The following CCDC148 variants were observed in gnomAD, a reference collection of about 807,000 sequenced individuals.
CCDC148 encodes the protein coiled-coil domain containing 148.
CCDC148 carries 89 observed loss-of-function variants against 85.7 expected under a neutral mutation model. The observed-to-expected ratio is 1.04, with a 90% CI of 0.87 to 1.24. The LOEUF is 1.24. Ranked by LOEUF, CCDC148 falls within the 50% of genes most tolerant of loss-of-function variation. The pLI is 0.00. For synonymous variants in CCDC148, 230 were observed against 213.9 expected (o/e 1.08, Z -0.66); for missense variants, 692 against 671.7 (o/e 1.03, Z -0.33).
At chr2:158,303,794 T>TTAGGA (rs1265852794) in intron 9 of CCDC148, among the ~76,000 whole-genome samples, 8 of 152,186 alleles carry the variant, frequency 5.3e-5, no homozygotes, top group African/African-American at 1.9e-4. Context: ...AGGCTACATT[T>TTAGGA]TATGTTGTCT....
At chr2:158,218,207 AAACATATC>A (rs1243476648) in intron 11 of CCDC148, among the ~76,000 whole-genome samples, 1 of 152,224 alleles carries the variant, frequency 6.6e-6, no homozygotes, top group Non-Finnish European at 1.5e-5. Context: ...CGAGTTGAAC[AAACATATC>A]ATAGGCCCTT....
At chr2:158,359,764 C>T (rs1683847791) in intron 1 of CCDC148, among the ~76,000 whole-genome samples, 1 of 152,178 alleles carries the variant, frequency 6.6e-6, no homozygotes, top group Admixed American at 6.5e-5. Context: ...CAGCAGACAC[C>T]AAGCTAGCTG....
At chr2:158,350,601 T>C (rs1275533054) in intron 2 of CCDC148, among the ~76,000 whole-genome samples, 1 of 152,188 alleles carries the variant, frequency 6.6e-6, no homozygotes, top group African/African-American at 2.4e-5. Context: ...ACATGAAAAG[T>C]ATCTATGCTT....
chr2:158,339,797 G>T (rs532803401), intron 5 of CCDC148, among the ~76,000 whole-genome samples: 27 of 152,316 alleles, frequency 1.8e-4, no homozygotes, highest in Admixed American at 1.1e-3. Context: ...AAGAAGGCCA[G>T]CCTGGGTGTG....
In CCDC148 at chr2:158,358,547, T is replaced by G; in HGVS notation, c.49A>C (p.Asn17His). The G allele has an allele frequency of 6.3e-7, 1 of 1,587,656 alleles. No individual in the cohort carries two copies. ...SPDNLVFHMK[N>H]EMRNIKYKPV... ...TTGTACTTGATGTTTCTCATCTCATTTTTCATATGGAATACCAGATTATCT... is the reference window on the plus strand; with the variant it reads ...TTGTACTTGATGTTTCTCATCTCATGTTTCATATGGAATACCAGATTATCT... Residue 17 changes from asparagine to histidine, a missense_variant, in exon 2 of 14, where the codon AAT (asparagine) becomes CAT (histidine). Asn to His is a moderately conservative substitution (Grantham distance 68). Coordinates refer to ENST00000283233, the MANE Select transcript of CCDC148 (RefSeq NM_138803.4).
intron 8 of CCDC148, 28 bp downstream of exon 8, chr2:158,313,728 C>T: frequency 6.3e-7 from 1 of 1,574,834 alleles, no homozygotes; most frequent in Non-Finnish European, 8.6e-7. Context: ...ATTTAACTTG[C>T]CAGTATGTAG....
intron 11 of CCDC148, among the ~76,000 whole-genome samples, chr2:158,190,874 C>A (rs2105272681): frequency 6.6e-6 from 1 of 151,944 alleles, no homozygotes; most frequent in South Asian, 2.1e-4. Context: ...TCATAAGACA[C>A]ATAATTCCTG....
intron 1 of CCDC148, among the ~76,000 whole-genome samples, chr2:158,416,769 C>T (rs1170620285): frequency 6.6e-6 from 1 of 152,216 alleles, no homozygotes; most frequent in Non-Finnish European, 1.5e-5. Context: ...TTCAAAGTCA[C>T]TTCCACATTT....
Position 158,185,584 on chromosome 2 carries a change from T to A in CCDC148, c.1371-6588A>T, listed in dbSNP as rs573138500. ...GTTCAGGTGAGCTGGAAGTGAGAGATACAAACAAGGACTTCAATCTGGGAG... is the reference window on the plus strand; with the variant it reads ...GTTCAGGTGAGCTGGAAGTGAGAGAAACAAACAAGGACTTCAATCTGGGAG... On this transcript the variant is annotated intron_variant, in intron 11 of 13. Transcript: ENST00000283233. 4.1e-4 allele frequency among the ~76,000 whole-genome samples: 63 copies of A among 152,194 alleles called. No individual in the cohort carries two copies. The South Asian group carries it at 0.013, about 31-fold the overall frequency.
At chr2:158,332,663 T>C (rs1693199354) in intron 7 of CCDC148, among the ~76,000 whole-genome samples, 1 of 151,886 alleles carries the variant, frequency 6.6e-6, no homozygotes, top group South Asian at 2.1e-4. Context: ...CATCTGGTCC[T>C]GGACTCTTTT....
intron 1 of CCDC148, among the ~76,000 whole-genome samples, chr2:158,366,525 A>C (rs1048483028): frequency 3.9e-5 from 6 of 152,190 alleles, no homozygotes; most frequent in African/African-American, 1.2e-4. Flanking sequence ...GTCTACAGAT[A>C]GCCTCCAGCT....
At chr2:158,338,426 A>G (rs1223091879) in intron 7 of CCDC148, among the ~76,000 whole-genome samples, 1 of 152,156 alleles carries the variant, frequency 6.6e-6, no homozygotes, top group Non-Finnish European at 1.5e-5. Flanking sequence ...TCTTGAAAAG[A>G]AAAGTTGTGG....
chr2:158,424,932 T>G, intron 1 of CCDC148: 1 of 287,836 alleles, frequency 3.5e-6, no homozygotes, highest in South Asian at 3.7e-5. Context: ...CAGATTATTA[T>G]CAAATTGGTT....
In CCDC148 at chr2:158,171,818, T is replaced by G. The variant is rs1684333081; in HGVS notation, c.*295A>C. On this transcript the variant is annotated 3_prime_UTR_variant, in exon 14 of 14. Coordinates refer to ENST00000283233, the MANE Select transcript of CCDC148 (RefSeq NM_138803.4). ...ACAAAGTTATTTTGAGCTCTTTTTATAGGATAACATAACCTCCAACATGTA... is the reference window on the plus strand; with the variant it reads ...ACAAAGTTATTTTGAGCTCTTTTTAGAGGATAACATAACCTCCAACATGTA... 4 of 181,230 alleles carry G rather than the reference T, an allele frequency of 2.2e-5. No homozygotes were observed. In the South Asian group the frequency reaches 5.7e-4, roughly 26 times the overall value. The allele number at this position is 181,230 out of a possible 1,614,324, so 11.2% of individuals were successfully genotyped here.
chr2:158,319,260 A>C (rs1238549878), intron 7 of CCDC148, among the ~76,000 whole-genome samples: 2 of 152,178 alleles, frequency 1.3e-5, no homozygotes, highest in Admixed American at 1.3e-4. Context: ...GCACTGCTTC[A>C]GGAAAAATGA....
At chr2:158,228,199 A>G (rs1439382095) in intron 10 of CCDC148, among the ~76,000 whole-genome samples, 1 of 152,240 alleles carries the variant, frequency 6.6e-6, no homozygotes, top group Non-Finnish European at 1.5e-5. Context: ...CAAAAGACAC[A>G]GGAAAAAATG....
At chr2:158,222,583 C>A (rs115253689) in intron 10 of CCDC148, among the ~76,000 whole-genome samples, 120 of 151,972 alleles carry the variant, frequency 7.9e-4, no homozygotes, top group African/African-American at 2.8e-3. Flanking sequence ...AAACTATTTC[C>A]TTGTTTTCAC....
intron 7 of CCDC148, among the ~76,000 whole-genome samples, chr2:158,324,376 C>G (rs939335375): frequency 6.6e-6 from 1 of 152,156 alleles, no homozygotes; most frequent in Admixed American, 6.5e-5. Context: ...GCAACATATT[C>G]AAACCATTTG....
rs184125248 is a variant in CCDC148, at chr2:158,172,509, C to T, written c.1630-250G>A. Reference sequence around the variant, plus strand: ...GTACTAGATTAGTCAAAATATAATGCGTTAAAATTATTAAAAGATGAAGTA... The same window carrying T: ...GTACTAGATTAGTCAAAATATAATGTGTTAAAATTATTAAAAGATGAAGTA... On this transcript the variant is annotated intron_variant, in intron 13 of 13. Transcript: ENST00000283233. Among the ~76,000 whole-genome samples, 445 of 151,830 alleles carry T rather than the reference C, an allele frequency of 2.9e-3. 3 individuals carry two copies. The highest frequency in any genetic ancestry group is 4.8e-3 in the Non-Finnish European group (329 of 67,890).
Sources: allele counts gnomAD v4.1 joint callset (sites outside exome capture counted in the v4.1 genomes callset), GRCh38; gene constraint gnomAD v4.1.1; transcripts MANE v1.5; gene names NCBI Gene and HGNC (gene_info 2026-07-23, HGNC 2026-07-21).